The following SLC6A9 variants were observed in gnomAD, a reference collection of about 807,000 sequenced individuals.
SLC6A9 encodes the protein solute carrier family 6 member 9, also known as sodium- and chloride-dependent glycine transporter 1.
Under a neutral mutation model 70.9 loss-of-function variants are expected in SLC6A9, and 31 were observed. The observed-to-expected ratio is 0.44, with a 90% CI of 0.33 to 0.59. SLC6A9 has a LOEUF of 0.59. SLC6A9 is among the 20% of genes least tolerant of loss of function. The pLI is 0.04. For missense variants in SLC6A9, 631 were observed against 845.2 expected (o/e 0.75, Z 3.14); for synonymous variants, 310 against 341.3 (o/e 0.91, Z 1.01).
intron 12 of SLC6A9, among the ~76,000 whole-genome samples, chr1:43,999,902 C>T: frequency 6.6e-6 from 1 of 152,206 alleles, no homozygotes; most frequent in African/African-American, 2.4e-5. Context: ...TACCTGCCTT[C>T]CCCGAATCCC....
chr1:44,010,109 G>A lies in SLC6A9; in HGVS notation c.188-13C>T. The A allele has an allele frequency of 6.2e-7, 1 of 1,613,400 alleles. No homozygotes were observed. Among genetic ancestry groups the A allele is most frequent in the South Asian group, 1.1e-5 (1 of 91,044 alleles). ...AACATGAAGGCGCCTGGTAGGCAGG[G>A]AGAGGTCTGGCTCAGGAGTGGGCTT... is the stretch of plus-strand genomic sequence containing the variant. On this transcript the variant is annotated splice_polypyrimidine_tract_variant and intron_variant, in intron 3 of 13. Coordinates refer to ENST00000372310, the MANE Select transcript of SLC6A9 (RefSeq NM_001024845.3).
intron 5 of SLC6A9, among the ~76,000 whole-genome samples, chr1:44,004,884 C>A (rs571031353): frequency 1.3e-5 from 2 of 152,312 alleles, no homozygotes; most frequent in East Asian, 3.9e-4. Flanking sequence ...AATTACTCTG[C>A]GTTGCTTTAA....
chr1:44,019,983 G>A (rs1054820381), intron 2 of SLC6A9, among the ~76,000 whole-genome samples: 4 of 152,176 alleles, frequency 2.6e-5, no homozygotes, highest in Admixed American at 6.5e-5. Context: ...CAGGGCCCCC[G>A]ACCAGAGAGG....
At chr1:44,017,343 C>T in intron 2 of SLC6A9, 3 of 1,383,808 alleles carry the variant, frequency 2.2e-6, no homozygotes, top group Non-Finnish European at 2.8e-6. Context: ...GTGTTTTTCC[C>T]TTGTTCCCAG....
chr1:44,008,645 G>T, intron 4 of SLC6A9, 22 bp from the exon 5 acceptor site: 1 of 1,605,740 alleles, frequency 6.2e-7, no homozygotes, highest in South Asian at 1.1e-5. Flanking sequence ...GAGGGGTGGG[G>T]GGAGGAGCCT....
In SLC6A9 at chr1:44,013,591, TGCTTGG is replaced by T. The variant is rs1180161239; in HGVS notation, c.31-2715_31-2710del. Among the ~76,000 whole-genome samples the T allele has an allele frequency of 6.6e-6, 1 of 152,226 alleles. No individual in the cohort carries two copies. Among genetic ancestry groups the T allele is most frequent in the Non-Finnish European group, 1.5e-5 (1 of 68,040 alleles). On this transcript the variant is annotated intron_variant, in intron 2 of 13. Transcript: ENST00000372310. This position sits in a 1 kb window ranked among gnomAD's most constrained non-coding sequence, Gnocchi z 5.3. ...TCCTTGCAGAAGCAGCACCCACTTC[TGCTTGG>T]GCCTGGGTCCCAGCACTGTGGCGCT...
chr1:44,006,959 A>G (rs2086341208), intron 5 of SLC6A9, among the ~76,000 whole-genome samples: 1 of 152,124 alleles, frequency 6.6e-6, no homozygotes, highest in African/African-American at 2.4e-5. Flanking sequence ...TTTCCATCAC[A>G]TGTGGAGAAA....
At chr1:44,015,956 A>G (rs1026074190) in intron 2 of SLC6A9, 2 of 747,668 alleles carry the variant, frequency 2.7e-6, no homozygotes, top group Non-Finnish European at 3.3e-6. Flanking sequence ...TCAGGACTCC[A>G]GGTGCCTTCA....
chr1:44,030,187 C>T (rs2087074944), intron 1 of SLC6A9, among the ~76,000 whole-genome samples: 1 of 152,100 alleles, frequency 6.6e-6, no homozygotes, highest in Admixed American at 6.5e-5. Context: ...CGGCACCGCC[C>T]GCAGCGTCCC....
chr1:44,017,673 C>T (rs978849678), intron 2 of SLC6A9, among the ~76,000 whole-genome samples: 7 of 152,230 alleles, frequency 4.6e-5, no homozygotes, highest in Non-Finnish European at 7.3e-5. Flanking sequence ...GTACCTGACA[C>T]CCCCCACCAA....
chr1:43,998,018 A>G lies in SLC6A9; in HGVS notation c.1544T>C (p.Leu515Pro). The stretch of plus-strand genomic sequence containing the variant: ...CTGGTACTGGATCACAGTGAAAACT[A>G]GAATAAACTGCACGGGGCAGGTGTG... ...FVSPAIIFFI[L>P]VFTVIQYQPI... Residue 515 changes from leucine to proline, a missense_variant, in exon 13 of 14, where the codon CTA becomes CCA. Transcript: ENST00000372310. The G allele has an allele frequency of 6.2e-7, 1 of 1,612,508 alleles. No homozygotes were observed. Among genetic ancestry groups the G allele is most frequent in the East Asian group, 2.2e-5 (1 of 44,848 alleles).
rs200036856 is a variant in SLC6A9, at chr1:44,010,737, C to T, written c.176G>A (p.Arg59His). 2.6e-5 allele frequency: 42 copies of T among 1,614,008 alleles called. No homozygotes were observed. The highest frequency in any genetic ancestry group is 3.2e-5 in the Non-Finnish European group (38 of 1,179,976). Residue 59 changes from arginine to histidine, a missense_variant, in exon 3 of 14, where the codon CGC becomes CAC. Physicochemically the swap from Arg to His is conservative, Grantham distance 29 (BLOSUM62 0). Transcript: ENST00000372310. Reference sequence around the variant, plus strand: ...TGCCCACTGGGTACCTCCCCCGTTGCGATAGCAGAGGTATGGGAAGCGCCA... The same window carrying T: ...TGCCCACTGGGTACCTCCCCCGTTGTGATAGCAGAGGTATGGGAAGCGCCA... ...NVWRFPYLCY[R>H]NGGGAFMFPY...
chr1:44,021,162 G>A (rs928951122), intron 2 of SLC6A9, among the ~76,000 whole-genome samples: 10 of 152,160 alleles, frequency 6.6e-5, no homozygotes, highest in Non-Finnish European at 1.0e-4. Context: ...TTGAGACCTA[G>A]GTGGCCCTGC....
At chr1:44,004,805 TCAAA>T (rs1368295499) in intron 5 of SLC6A9, among the ~76,000 whole-genome samples, 2 of 152,232 alleles carry the variant, frequency 1.3e-5, no homozygotes, top group Admixed American at 6.5e-5. Context: ...GCTTTTGAGA[TCAAA>T]CAGCCTAAGG....
intron 1 of SLC6A9, among the ~76,000 whole-genome samples, chr1:44,030,274 G>C (rs2087077460): frequency 1.3e-5 from 2 of 152,154 alleles, no homozygotes; most frequent in African/African-American, 4.8e-5. Context: ...CAGCCGCCAC[G>C]TGTGGGCCTA....
At chr1:44,020,134 C>A (rs747635026) in intron 2 of SLC6A9, among the ~76,000 whole-genome samples, 2 of 152,202 alleles carry the variant, frequency 1.3e-5, no homozygotes, top group Non-Finnish European at 2.9e-5. Flanking sequence ...CTGTACTAGG[C>A]CTTATCTAAG....
intron 1 of SLC6A9, among the ~76,000 whole-genome samples, chr1:44,027,680 G>A (rs1307785283): frequency 6.6e-6 from 1 of 152,206 alleles, no homozygotes; most frequent in Non-Finnish European, 1.5e-5. Context: ...AAAATTTAAA[G>A]AATTACAAAC....
chr1:44,017,130 T>G, intron 2 of SLC6A9: 1 of 1,607,364 alleles, frequency 6.2e-7, no homozygotes, highest in African/African-American at 1.3e-5. Context: ...TCTCCGCCGC[T>G]CATTCACACC....
At chr1:44,004,951 A>G (rs1310460027) in intron 5 of SLC6A9, among the ~76,000 whole-genome samples, 1 of 152,206 alleles carries the variant, frequency 6.6e-6, no homozygotes, top group Non-Finnish European at 1.5e-5. Flanking sequence ...TGCCTTGAGA[A>G]CAGGACCCTC....
Sources: allele counts gnomAD v4.1 joint callset (sites outside exome capture counted in the v4.1 genomes callset), GRCh38; gene constraint gnomAD v4.1.1; non-coding constraint Gnocchi (gnomAD v3.1); transcripts MANE v1.5; gene names NCBI Gene and HGNC (gene_info 2026-07-23, HGNC 2026-07-21).